Variants in ERBB4 observed in about 807,000 individuals in gnomAD.
The protein encoded by ERBB4 is receptor tyrosine-protein kinase erbB-4.
Under a neutral mutation model 158.0 loss-of-function variants are expected in ERBB4, and 42 were observed. The observed-to-expected ratio is 0.27, with a 90% CI of 0.21 to 0.34. ERBB4 has a LOEUF of 0.34. ERBB4 is among the 10% of genes least tolerant of loss of function. The pLI is 1.00. For synonymous variants in ERBB4, 583 were observed against 558.7 expected, an observed-to-expected ratio of 1.04 and a Z score of -0.61; for missense variants, 1,333 against 1,624.1, an observed-to-expected ratio of 0.82 and a Z score of 3.08.
Position 211,750,661 on chromosome 2 carries a change from G to A in ERBB4, c.600C>T (p.Pro200=). ...HKSCTGRCWG[P]TENHCQTLTR... ...TACAAGTCTGGCAATGATTTTCTGT[G>A]GGTCCCCAGCAACGGCCAGTACAGG... The change falls in exon 5 of 28, where the codon CCC becomes CCT. Residue 200 remains proline (P), a synonymous_variant. Coordinates refer to ENST00000342788, the MANE Select transcript of ERBB4 (RefSeq NM_005235.3). 1 of 1,613,854 alleles carries A rather than the reference G, an allele frequency of 6.2e-7. No homozygotes were observed.
At chr2:211,658,316 G>A (rs1365336682) in intron 15 of ERBB4, among the ~76,000 whole-genome samples, 2 of 152,040 alleles carry the variant, frequency 1.3e-5, no homozygotes, top group Non-Finnish European at 2.9e-5. Context: ...CAAATATGTT[G>A]ATATTTCAAT....
intron 1 of ERBB4, among the ~76,000 whole-genome samples, chr2:212,213,117 C>T (rs912228139): frequency 6.6e-6 from 1 of 151,874 alleles, no homozygotes; most frequent in African/African-American, 2.4e-5. Context: ...AACTATCACT[C>T]AAGTGAACAG....
chr2:211,387,828 T>G, intron 26 of ERBB4, 117 bp downstream of exon 26: 1 of 817,488 alleles, frequency 1.2e-6, no homozygotes, highest in Non-Finnish European at 2.2e-6. Flanking sequence ...GTACACCAAA[T>G]TCTTAACTCA....
chr2:212,513,300 T>C (rs906855691), intron 1 of ERBB4, among the ~76,000 whole-genome samples: 2 of 152,192 alleles, frequency 1.3e-5, no homozygotes, highest in African/African-American at 4.8e-5. Flanking sequence ...AATGGAATAC[T>C]AAAGACAAAT....
intron 2 of ERBB4, among the ~76,000 whole-genome samples, chr2:212,004,495 C>A (rs1226070501): frequency 1.3e-5 from 2 of 152,172 alleles, no homozygotes; most frequent in Non-Finnish European, 2.9e-5. Context: ...AATTCCCTAT[C>A]CCTGTCAATT....
At chr2:211,773,168 T>C in intron 4 of ERBB4, among the ~76,000 whole-genome samples, 1 of 150,890 alleles carries the variant, frequency 6.6e-6, no homozygotes, top group South Asian at 2.1e-4. Context: ...AGCTGTGACA[T>C]GACGGGAGTC....
chr2:212,333,102 C>T (rs1449751179), intron 1 of ERBB4, among the ~76,000 whole-genome samples: 1 of 151,978 alleles, frequency 6.6e-6, no homozygotes, highest in African/African-American at 2.4e-5. Flanking sequence ...TATACTTGCA[C>T]ACATATGCTT....
chr2:212,122,058 T>G (rs1419993816), intron 2 of ERBB4, among the ~76,000 whole-genome samples: 2 of 150,414 alleles, frequency 1.3e-5, no homozygotes, highest in Non-Finnish European at 3.0e-5. Flanking sequence ...TATATATATA[T>G]ATGTATATAA....
At chr2:211,829,250 T>C (rs1358180820) in intron 3 of ERBB4, among the ~76,000 whole-genome samples, 1 of 152,198 alleles carries the variant, frequency 6.6e-6, no homozygotes, top group Non-Finnish European at 1.5e-5. Flanking sequence ...CAGTTATATG[T>C]ACTTTCATTG....
At chr2:211,474,411 AGCC>A (rs1183795579) in intron 20 of ERBB4, among the ~76,000 whole-genome samples, 44 of 152,230 alleles carry the variant, frequency 2.9e-4, no homozygotes, top group Middle Eastern at 6.8e-3. Flanking sequence ...TAAGTGGTAT[AGCC>A]AGGATTTCGT....
At chr2:211,491,298 T>A (rs2065335997) in intron 20 of ERBB4, among the ~76,000 whole-genome samples, 1 of 151,938 alleles carries the variant, frequency 6.6e-6, no homozygotes, top group African/African-American at 2.4e-5. Flanking sequence ...GATAAAGAAA[T>A]AAGGTCTAGG....
chr2:211,840,668 G>A (rs928534691), intron 3 of ERBB4, among the ~76,000 whole-genome samples: 6 of 152,044 alleles, frequency 3.9e-5, no homozygotes, highest in African/African-American at 1.4e-4. Flanking sequence ...AGTTCTTCAT[G>A]GACATTATGC....
chr2:211,597,666 T>TATTTTA (rs1231767868), intron 19 of ERBB4, among the ~76,000 whole-genome samples: 133 of 104,368 alleles, frequency 1.3e-3, no homozygotes, highest in Non-Finnish European at 2.1e-3. Context: ...TACAAATTCA[T>TATTTTA]CTTTTCATTA....
chr2:211,688,792 T>C (rs2105989451), intron 12 of ERBB4, among the ~76,000 whole-genome samples: 1 of 152,278 alleles, frequency 6.6e-6, no homozygotes, highest in South Asian at 2.1e-4. Context: ...ACTTTGTAGT[T>C]ATTTTAAATA....
intron 1 of ERBB4, among the ~76,000 whole-genome samples, chr2:212,346,498 A>AAAATGTTTTAAAATATATTTAAAACATG (rs374168100): frequency 0.062 from 9,331 of 151,234 alleles, 938 homozygotes; most frequent in African/African-American, 0.21. Context: ...CTAAAACATT[A>AAAATGTTTTAAAATATATTTAAAACATG]AAATGTTTTA....
intron 1 of ERBB4, among the ~76,000 whole-genome samples, chr2:212,296,137 G>A (rs2086402550): frequency 6.6e-6 from 1 of 151,756 alleles, no homozygotes; most frequent in African/African-American, 2.4e-5. Flanking sequence ...CACTATATTA[G>A]GTACTTTATA....
chr2:211,982,543 C>G (rs2081830284), intron 2 of ERBB4, among the ~76,000 whole-genome samples: 1 of 152,134 alleles, frequency 6.6e-6, no homozygotes. Context: ...GGATGGAGAG[C>G]TAGAGCAAGA....
At chr2:212,000,248 C>T (rs1186947178) in intron 2 of ERBB4, among the ~76,000 whole-genome samples, 7 of 151,764 alleles carry the variant, frequency 4.6e-5, no homozygotes, top group Admixed American at 4.6e-4. Context: ...TAATACAGCC[C>T]AAGAGTTATT....
rs140302920 is a variant in ERBB4 at position 211,836,596 on chromosome 2, A to G, written c.422-48437T>C. 2.6e-3 allele frequency among the ~76,000 whole-genome samples: 392 copies of G among 152,188 alleles called. 3 individuals are homozygous for G. Among genetic ancestry groups the G allele is most frequent in the African/African-American group, 9.3e-3 (385 of 41,554 alleles). On this transcript the variant is annotated intron_variant, in intron 3 of 27. Coordinates refer to ENST00000342788, the MANE Select transcript of ERBB4 (RefSeq NM_005235.3). ...GTTCAGCATAAACCACATTGTTTGC[A>G]CAACAATCGAAGGACAATAGACCAT...
Sources: allele counts gnomAD v4.1 joint callset (sites outside exome capture counted in the v4.1 genomes callset), GRCh38; gene constraint gnomAD v4.1.1; transcripts MANE v1.5; gene names NCBI Gene and HGNC (gene_info 2026-07-23, HGNC 2026-07-21).